The following CSMD1 variants were observed in gnomAD, a reference collection of about 807,000 sequenced individuals.
CSMD1 encodes CUB and Sushi multiple domains 1, also known as CUB and sushi domain-containing protein 1.
In CSMD1, 213 loss-of-function variants were observed where a neutral mutation model predicts 417.5. That is an observed-to-expected ratio of 0.51 (90% CI 0.46 to 0.57). The LOEUF (loss-of-function observed/expected upper bound fraction) is 0.57, where lower values mean the gene tolerates loss of function less well. Among genes scored for constraint, CSMD1 ranks in the 20% least tolerant of loss-of-function variants. CSMD1 has a pLI of 0.00. For missense variants in CSMD1, 6,923 were observed against 4,529.7 expected (o/e 1.53, Z -15.17); for synonymous variants, 2,862 against 1,736.8 (o/e 1.65, Z -16.11).
chr8:4,533,157 A>T (rs975275008), intron 2 of CSMD1, among the ~76,000 whole-genome samples: 2 of 152,166 alleles, frequency 1.3e-5, no homozygotes, highest in African/African-American at 4.8e-5. Context: ...CACCCAGCTA[A>T]TGTTTTCAGG....
chr8:3,531,460 T>C (rs1395545995), intron 10 of CSMD1, among the ~76,000 whole-genome samples: 1 of 152,026 alleles, frequency 6.6e-6, no homozygotes, highest in Non-Finnish European at 1.5e-5. Flanking sequence ...AAAAATCAAA[T>C]ATAAAAGGTG....
chr8:3,919,235 T>C (rs1477980205), intron 5 of CSMD1, among the ~76,000 whole-genome samples: 2 of 148,502 alleles, frequency 1.3e-5, no homozygotes, highest in Non-Finnish European at 3.0e-5. Flanking sequence ...TCAAGATCTA[T>C]GCCAAGGATT....
chr8:4,505,681 G>A (rs909706847), intron 2 of CSMD1, among the ~76,000 whole-genome samples: 8 of 152,116 alleles, frequency 5.3e-5, no homozygotes. Context: ...GTTTTGCTGA[G>A]GGAGTTCTAA....
intron 42 of CSMD1, among the ~76,000 whole-genome samples, chr8:3,111,831 A>AAAT (rs113064194): frequency 2.6e-5 from 4 of 151,930 alleles, no homozygotes; most frequent in South Asian, 4.2e-4. Context: ...CTGTCTCTAA[A>AAAT]AATAATAATA....
chr8:4,342,967 G>A (rs140071022), intron 3 of CSMD1, among the ~76,000 whole-genome samples: 1 of 152,098 alleles, frequency 6.6e-6, no homozygotes, highest in Non-Finnish European at 1.5e-5. Context: ...ACAGGTAGAT[G>A]TCAGGTAGAG....
chr8:4,762,612 T>C (rs1402293061), intron 1 of CSMD1, among the ~76,000 whole-genome samples: 2 of 152,106 alleles, frequency 1.3e-5, no homozygotes, highest in African/African-American at 2.4e-5. Flanking sequence ...GCCTGAGTGA[T>C]GGGCCCCGCA....
intron 3 of CSMD1, among the ~76,000 whole-genome samples, chr8:4,127,656 A>C (rs1267487622): frequency 1.3e-5 from 2 of 151,928 alleles, no homozygotes; most frequent in African/African-American, 4.8e-5. Context: ...CACCCCCTTT[A>C]CTTAGACTAC....
At chr8:3,151,586 A>G in intron 39 of CSMD1, 73 bp from the exon 40 acceptor site, 1 of 910,538 alleles carries the variant, frequency 1.1e-6, no homozygotes, top group Non-Finnish European at 1.8e-6. Flanking sequence ...AACCTGCTTC[A>G]CTCAACTATG....
chr8:3,277,778 A>G (rs560229020), intron 26 of CSMD1, among the ~76,000 whole-genome samples: 1 of 152,166 alleles, frequency 6.6e-6, no homozygotes, highest in Non-Finnish European at 1.5e-5. Flanking sequence ...GTGTTTCCTT[A>G]GGAGTACCAG....
intron 5 of CSMD1, among the ~76,000 whole-genome samples, chr8:3,775,775 G>C (rs1232075593): frequency 6.6e-6 from 1 of 152,188 alleles, no homozygotes; most frequent in Non-Finnish European, 1.5e-5. Context: ...ATCTACAAAA[G>C]GTCCACGAAG....
chr8:3,901,331 A>T (rs756933780), intron 5 of CSMD1, among the ~76,000 whole-genome samples: 3 of 152,100 alleles, frequency 2.0e-5, no homozygotes, highest in Non-Finnish European at 4.4e-5. Flanking sequence ...GCTTCAACCC[A>T]ATCTCCAATT....
intron 5 of CSMD1, among the ~76,000 whole-genome samples, chr8:3,968,659 C>G (rs2049307): frequency 0.83 from 125,814 of 152,064 alleles, 52,624 homozygotes; most frequent in East Asian, 0.95. Context: ...TGTCCTAAAT[C>G]CCGAAAGCTG....
chr8:3,530,161 T>C (rs775560840), intron 10 of CSMD1, among the ~76,000 whole-genome samples: 2 of 152,210 alleles, frequency 1.3e-5, no homozygotes, highest in Non-Finnish European at 2.9e-5. Flanking sequence ...GTTTTCTCTA[T>C]TCATCTCTCC....
intron 2 of CSMD1, among the ~76,000 whole-genome samples, chr8:4,441,097 T>TTTTTTTTTTTTTTTTTTTTTA (rs1798447694): frequency 1.1e-5 from 1 of 91,746 alleles, no homozygotes; most frequent in East Asian, 3.6e-4. Flanking sequence ...ATCAAAAGGT[T>TTTTTTTTTTTTTTTTTTTTTA]TTTTTTTTTT....
At chr8:3,560,149 T>C (rs1799407912) in intron 10 of CSMD1, among the ~76,000 whole-genome samples, 1 of 152,148 alleles carries the variant, frequency 6.6e-6, no homozygotes, top group South Asian at 2.1e-4. Context: ...GTTGATTATA[T>C]AACTTATCTC....
intron 1 of CSMD1, among the ~76,000 whole-genome samples, chr8:4,860,617 G>C (rs1344977364): frequency 6.6e-6 from 1 of 151,946 alleles, no homozygotes; most frequent in African/African-American, 2.4e-5. Context: ...AAATTACCCA[G>C]TCTCTGACAT....
At chr8:3,233,523 T>C (rs573870384) in intron 26 of CSMD1, among the ~76,000 whole-genome samples, 2 of 152,342 alleles carry the variant, frequency 1.3e-5, no homozygotes, top group Non-Finnish European at 2.9e-5. Context: ...TACACTAAAA[T>C]GGTTTGTTCG....
intron 37 of CSMD1, among the ~76,000 whole-genome samples, chr8:3,177,202 C>A (rs75322287): frequency 1.3e-5 from 2 of 152,154 alleles, no homozygotes; most frequent in East Asian, 1.9e-4. Flanking sequence ...CACCAACTGT[C>A]GCAAGTGGAG....
At chr8:4,975,353 G>T (rs1253901417) in intron 1 of CSMD1, among the ~76,000 whole-genome samples, 4 of 152,176 alleles carry the variant, frequency 2.6e-5, no homozygotes, top group Admixed American at 2.0e-4. Flanking sequence ...AAAAGAAAAA[G>T]AATAATTGCA....
Sources: allele counts gnomAD v4.1 joint callset (sites outside exome capture counted in the v4.1 genomes callset), GRCh38; gene constraint gnomAD v4.1.1; transcripts MANE v1.5; gene names NCBI Gene and HGNC (gene_info 2026-07-23, HGNC 2026-07-21).